Variants in XPR1 observed in about 807,000 individuals in gnomAD.
The protein encoded by XPR1 is solute carrier family 53 member 1.
A neutral mutation model predicts 87.5 loss-of-function variants in XPR1; 28 were observed. The observed-to-expected ratio is 0.32, with a 90% CI of 0.24 to 0.44. The LOEUF is 0.44. XPR1 is among the 20% of genes least tolerant of loss of function. The pLI, the probability that XPR1 is intolerant of heterozygous loss-of-function variation, is 1.00. For missense variants in XPR1, 559 were observed against 862.3 expected (o/e 0.65, Z 4.41); for synonymous variants, 300 against 306.1 (o/e 0.98, Z 0.21).
chr1:180,772,738 G>A lies in XPR1; in HGVS notation c.122-15015G>A, dbSNP rs113916070. Among the ~76,000 whole-genome samples the A allele has an allele frequency of 1.7e-3, 256 of 152,288 alleles. 1 individual carries two copies. The highest frequency in any genetic ancestry group is 5.7e-3 in the African/African-American group (236 of 41,562). On this transcript the variant is annotated intron_variant, in intron 2 of 14. Transcript: ENST00000367590. ...CCGCTCTTTGCCTGCTGGCATCCGC[G>A]TAAGATGTGACTTGCTCCTCCTTGC...
intron 11 of XPR1, among the ~76,000 whole-genome samples, chr1:180,839,698 G>A (rs1371974173): frequency 2.0e-5 from 3 of 152,170 alleles, no homozygotes; most frequent in African/African-American, 7.2e-5. Context: ...AGACCCAAAA[G>A]AAGTGTTTAG....
Position 180,711,054 on chromosome 1 carries a change from G to A in XPR1, c.121+28643G>A, listed in dbSNP as rs546439180. Reference sequence around the variant, plus strand: ...CGGAGGGGCTCCTCACTTCTCAGACGGGGCGGCCGGGCAGAGACGCTCCTC... The same window carrying A: ...CGGAGGGGCTCCTCACTTCTCAGACAGGGCGGCCGGGCAGAGACGCTCCTC... On this transcript the variant is annotated intron_variant, in intron 2 of 14. Transcript: ENST00000367590. Among the ~76,000 whole-genome samples the A allele has an allele frequency of 3.3e-3, 474 of 142,386 alleles. 4 individuals are homozygous for A. The highest frequency in any genetic ancestry group is 0.011 in the African/African-American group (438 of 38,416). 93.4% of individuals were successfully genotyped at this position (142,386 alleles called of 152,430 possible).
At chr1:180,711,895 G>A (rs1016906938) in intron 2 of XPR1, among the ~76,000 whole-genome samples, 2 of 152,082 alleles carry the variant, frequency 1.3e-5, no homozygotes, top group South Asian at 2.1e-4. Flanking sequence ...GGTGTGAGGC[G>A]TGGAACAAAA....
intron 2 of XPR1, among the ~76,000 whole-genome samples, chr1:180,687,701 G>A (rs1482102287): frequency 6.6e-6 from 1 of 152,012 alleles, no homozygotes; most frequent in African/African-American, 2.4e-5. Context: ...TCCTTTGAGA[G>A]TGAATTTCAT....
intron 6 of XPR1, among the ~76,000 whole-genome samples, chr1:180,808,613 A>G (rs1169551023): frequency 6.6e-6 from 1 of 152,204 alleles, no homozygotes; most frequent in Non-Finnish European, 1.5e-5. Flanking sequence ...AAGGAAAACA[A>G]TCAACCCAAC....
intron 2 of XPR1, among the ~76,000 whole-genome samples, chr1:180,778,266 G>A (rs916186578): frequency 7.9e-5 from 12 of 152,188 alleles, no homozygotes; most frequent in African/African-American, 2.9e-4. Flanking sequence ...TTACAGGCAT[G>A]AGCCACCACA....
intron 2 of XPR1, among the ~76,000 whole-genome samples, chr1:180,758,178 TC>T (rs1647835316): frequency 6.9e-6 from 1 of 145,944 alleles, no homozygotes; most frequent in Non-Finnish European, 1.5e-5. Flanking sequence ...AAGAATGAAA[TC>T]CTGTCCTTTA....
chr1:180,746,569 A>G (rs1214038385), intron 2 of XPR1, among the ~76,000 whole-genome samples: 1 of 152,126 alleles, frequency 6.6e-6, no homozygotes, highest in Non-Finnish European at 1.5e-5. Context: ...GCTGCAATTA[A>G]CATATTTGTA....
chr1:180,662,697 T>A (rs1227077510), intron 1 of XPR1, among the ~76,000 whole-genome samples: 1 of 152,190 alleles, frequency 6.6e-6, no homozygotes, highest in Non-Finnish European at 1.5e-5. Flanking sequence ...TCTGTTATTA[T>A]CTCTTTGAAT....
At chr1:180,693,936 C>T (rs1196788224) in intron 2 of XPR1, among the ~76,000 whole-genome samples, 1 of 152,068 alleles carries the variant, frequency 6.6e-6, no homozygotes, top group Non-Finnish European at 1.5e-5. Context: ...TTTGTGCCTA[C>T]CATATTCTTA....
chr1:180,762,391 A>G (rs1040821146), intron 2 of XPR1, among the ~76,000 whole-genome samples: 8 of 152,244 alleles, frequency 5.3e-5, no homozygotes, highest in African/African-American at 1.9e-4. Flanking sequence ...CGTTATGAAC[A>G]GAAGTTAATT....
intron 2 of XPR1, among the ~76,000 whole-genome samples, chr1:180,710,032 A>C (rs915350048): frequency 6.6e-6 from 1 of 151,522 alleles, no homozygotes; most frequent in African/African-American, 2.4e-5. Context: ...CAGCCTCCCT[A>C]GTAGCTGGTA....
chr1:180,640,814 C>CA (rs1483063310), intron 1 of XPR1, among the ~76,000 whole-genome samples: 1 of 152,128 alleles, frequency 6.6e-6, no homozygotes, highest in African/African-American at 2.4e-5. Context: ...AAGAGGAGGA[C>CA]AAAAGTGGAC....
At chr1:180,739,636 A>G (rs1034387572) in intron 2 of XPR1, among the ~76,000 whole-genome samples, 1 of 152,206 alleles carries the variant, frequency 6.6e-6, no homozygotes, top group African/African-American at 2.4e-5. Flanking sequence ...TACAGATCCT[A>G]TACAAGTTTT....
chr1:180,699,461 G>A (rs1042684072), intron 2 of XPR1, among the ~76,000 whole-genome samples: 1 of 98,594 alleles, frequency 1.0e-5, no homozygotes, highest in Non-Finnish European at 2.0e-5. Flanking sequence ...GAGAATATGC[G>A]GTGTTTGGTT....
intron 1 of XPR1, among the ~76,000 whole-genome samples, chr1:180,673,940 T>TA (rs1383420022): frequency 6.6e-6 from 1 of 152,190 alleles, no homozygotes; most frequent in Non-Finnish European, 1.5e-5. Flanking sequence ...AACTGAGACA[T>TA]ATCTCATGCA....
intron 14 of XPR1, among the ~76,000 whole-genome samples, chr1:180,882,348 G>A (rs1404673203): frequency 6.6e-6 from 1 of 151,934 alleles, no homozygotes; most frequent in Non-Finnish European, 1.5e-5. Context: ...AATGTGTGTG[G>A]TTTTTTTGTT....
chr1:180,731,929 A>G (rs1184536675), intron 2 of XPR1, among the ~76,000 whole-genome samples: 2 of 152,154 alleles, frequency 1.3e-5, no homozygotes, highest in Non-Finnish European at 2.9e-5. Flanking sequence ...GTGGTGGCTC[A>G]TGCCTGTAAT....
chr1:180,749,849 A>C (rs989042079), intron 2 of XPR1, among the ~76,000 whole-genome samples: 1 of 152,280 alleles, frequency 6.6e-6, no homozygotes, highest in Non-Finnish European at 1.5e-5. Context: ...CTTTAACTTC[A>C]AGTCTGTTTT....
Sources: allele counts gnomAD v4.1 joint callset (sites outside exome capture counted in the v4.1 genomes callset), GRCh38; gene constraint gnomAD v4.1.1; transcripts MANE v1.5; gene names NCBI Gene and HGNC (gene_info 2026-07-23, HGNC 2026-07-21).